DOT1L: variants seen among roughly 807,000 people sequenced by gnomAD.
The protein encoded by DOT1L is histone-lysine N-methyltransferase, H3 lysine-79 specific.
In DOT1L, 33 loss-of-function variants were observed where a neutral mutation model predicts 153.3. That is an observed-to-expected ratio of 0.22 (90% CI 0.16 to 0.29). DOT1L has a LOEUF of 0.29. DOT1L is among the 10% of genes least tolerant of loss of function. The pLI is 1.00. For synonymous variants in DOT1L, 1,135 were observed against 965.1 expected (o/e 1.18, Z -3.26); for missense variants, 1,847 against 2,119.9 (o/e 0.87, Z 2.53).
intron 19 of DOT1L, among the ~76,000 whole-genome samples, chr19:2,214,923 G>A (rs1191758241): frequency 1.3e-5 from 2 of 152,178 alleles, no homozygotes; most frequent in Non-Finnish European, 2.9e-5. Flanking sequence ...TTGCTCATTA[G>A]AAAAACAGCT....
At position 2,164,229 on chromosome 19, in the gene DOT1L, T is replaced by C. The variant is rs2144620361; in HGVS notation, c.45T>C (p.Ala15=). 1 of 1,285,116 alleles carries C rather than the reference T, an allele frequency of 7.8e-7. No homozygotes were observed. Among genetic ancestry groups the C allele is most frequent in the Non-Finnish European group, 9.9e-7 (1 of 1,013,754 alleles). The allele number at this position is 1,285,116 out of a possible 1,614,324, so 79.6% of individuals were successfully genotyped here. A position where few individuals can be genotyped will look rare whatever the true frequency, so the allele number is the denominator to read the frequency against. Reference sequence around the variant, plus strand: ...TGAGACTGAAGTCGCCCGTGGGGGCTGAGCCCGCCGTCTACCCGTGGCCGC... The same window carrying C: ...TGAGACTGAAGTCGCCCGTGGGGGCCGAGCCCGCCGTCTACCCGTGGCCGC... The part of the protein sequence containing the change: ...LELRLKSPVG[A]EPAVYPWPLP... Residue 15 remains alanine (A), a synonymous_variant, in exon 1 of 28, where the codon GCT becomes GCC. Coordinates refer to ENST00000398665, the MANE Select transcript of DOT1L (RefSeq NM_032482.3).
rs1383706893 is a variant in DOT1L, at chr19:2,214,473, C to A, written c.1800C>A (p.Leu600=). The change falls in exon 19 of 28, where the codon CTC becomes CTA. Residue 600 remains leucine, a splice_region_variant and synonymous_variant. Coordinates refer to ENST00000398665, the MANE Select transcript of DOT1L (RefSeq NM_032482.3). ...CTGTCCCATCCCTATCCCCTCAGCT[C>A]AAGGCTCGCTGCGAGGAGCTGCAGC... ...RALRGQSLQL[L]KARCEELQLD... 1 of 1,612,788 alleles carries A rather than the reference C, an allele frequency of 6.2e-7. No homozygotes were observed. The highest frequency in any genetic ancestry group is 1.7e-5 in the Admixed American group (1 of 59,996).
intron 26 of DOT1L, among the ~76,000 whole-genome samples, chr19:2,225,881 T>G (rs2024307887): frequency 1.3e-5 from 2 of 152,166 alleles, no homozygotes; most frequent in African/African-American, 2.4e-5. Flanking sequence ...CCAGAGCTCA[T>G]CCCGCATGGC....
intron 1 of DOT1L, among the ~76,000 whole-genome samples, chr19:2,178,179 G>C (rs1390583689): frequency 1.4e-5 from 2 of 147,600 alleles, no homozygotes; most frequent in Non-Finnish European, 3.0e-5. Flanking sequence ...TGATCCACCC[G>C]CCTCGGCCTC....
rs780744715 is a variant in DOT1L at position 2,230,690 on chromosome 19, T to C, written c.*898T>C. ...TGAGAATTTATAAATTTCATAGATT[T>C]GACAGCTTTTATTTTTAGATGGTAT... On this transcript the variant is annotated 3_prime_UTR_variant, in exon 28 of 28. Coordinates refer to ENST00000398665, the MANE Select transcript of DOT1L (RefSeq NM_032482.3). The C allele has an allele frequency of 7.1e-4, 281 of 398,032 alleles. 1 individual carries two copies. Among genetic ancestry groups the C allele is most frequent in the Middle Eastern group, 1.9e-3 (3 of 1,588 alleles). The allele number at this position is 398,032 out of a possible 1,614,324, so 24.7% of individuals were successfully genotyped here.
chr19:2,171,462 G>C (rs538434588), intron 1 of DOT1L, among the ~76,000 whole-genome samples: 5 of 152,144 alleles, frequency 3.3e-5, no homozygotes, highest in Non-Finnish European at 5.9e-5. Flanking sequence ...ACCTGGTGGC[G>C]TCTAGAGACC....
In DOT1L at chr19:2,230,304, A is replaced by G. The variant is rs112656439; in HGVS notation, c.*512A>G. 7.2e-6 allele frequency: 3 copies of G among 415,324 alleles called. No individual in the cohort carries two copies. Among genetic ancestry groups the G allele is most frequent in the Non-Finnish European group, 1.3e-5 (3 of 236,490 alleles). The allele number at this position is 415,324 out of a possible 1,614,324, so 25.7% of individuals were successfully genotyped here. A position where few individuals can be genotyped will look rare whatever the true frequency, so the allele number is the denominator to read the frequency against. ...CCGTACCAAAGGCAGGCCCGTCGCC[A>G]CCACATTCCTCGGAGGCCTCCCCGC... On this transcript the variant is annotated 3_prime_UTR_variant, in exon 28 of 28. Transcript: ENST00000398665.
At chr19:2,213,374 C>A (rs1424466346) in intron 16 of DOT1L, 165 bp from the exon 17 acceptor site, 2 of 630,970 alleles carry the variant, frequency 3.2e-6, no homozygotes, top group African/African-American at 1.8e-5. Context: ...CCCCTCCCGC[C>A]GTGGCCTGAG....
Position 2,210,899 on chromosome 19 carries a change from G to A in DOT1L, c.1351+44G>A, listed in dbSNP as rs764624309. The A allele has an allele frequency of 6.9e-6, 11 of 1,596,498 alleles. No individual in the cohort carries two copies. The African/African-American group carries it at 1.3e-4, about 20-fold the overall frequency. On this transcript the variant is annotated intron_variant, in intron 14 of 27. Transcript: ENST00000398665. ...ACGGCCCCCGCTCTCCCCGAGTGCG[G>A]ATGCCTGGGGTCCCCTCTGCTGGGA...
rs2144819114 is a variant in DOT1L, at chr19:2,208,468, G to A, written c.964-467G>A. On this transcript the variant is annotated intron_variant, in intron 11 of 27. Coordinates refer to ENST00000398665, the MANE Select transcript of DOT1L (RefSeq NM_032482.3). The surrounding 1 kb of genome is among the most constrained non-coding windows in gnomAD (Gnocchi z 4.4). ...CCGCCCTCCCACTGCTCCCCCGAGG[G>A]CCCTGGGACGAGAGGCATGGTGAGC... Among the ~76,000 whole-genome samples, 1 of 152,266 alleles carries A rather than the reference G, an allele frequency of 6.6e-6. No homozygotes were observed. Among genetic ancestry groups the A allele is most frequent in the African/African-American group, 2.4e-5 (1 of 41,560 alleles).
intron 2 of DOT1L, among the ~76,000 whole-genome samples, chr19:2,183,819 G>T (rs139377242): frequency 0.019 from 2,935 of 152,012 alleles, 92 homozygotes; most frequent in Admixed American, 0.082. Context: ...TAGAGACAGG[G>T]TTTCACCATG....
intron 8 of DOT1L, 108 bp from the exon 9 acceptor site, chr19:2,202,592 C>T (rs987469777): frequency 3.9e-5 from 43 of 1,098,768 alleles, no homozygotes; most frequent in African/African-American, 7.7e-5. Context: ...AGGTGGCGGG[C>T]GGGTGTGGGC....
chr19:2,190,070 G>T lies in DOT1L; in HGVS notation c.264+275G>T, dbSNP rs1194751859. On this transcript the variant is annotated intron_variant, in intron 4 of 27. Coordinates refer to ENST00000398665, the MANE Select transcript of DOT1L (RefSeq NM_032482.3). This position sits in a 1 kb window ranked among gnomAD's most constrained non-coding sequence, Gnocchi z 4.8. ...TGTGGTGTCTGCACACGCCTCTGCA[G>T]CCCTGGGTTGGTGTCCGCAGGTCCC... 2.0e-5 allele frequency among the ~76,000 whole-genome samples: 3 copies of T among 152,180 alleles called. No individual in the cohort carries two copies. Among genetic ancestry groups the T allele is most frequent in the Non-Finnish European group, 4.4e-5 (3 of 68,014 alleles).
intron 1 of DOT1L, among the ~76,000 whole-genome samples, chr19:2,173,134 A>G (rs2021734974): frequency 2.0e-5 from 3 of 152,120 alleles, no homozygotes; most frequent in Non-Finnish European, 4.4e-5. Flanking sequence ...GGTCTCCCCT[A>G]GCGTCCTGGA....
chr19:2,209,768 G>A (rs1260761818), intron 12 of DOT1L, among the ~76,000 whole-genome samples: 3 of 152,230 alleles, frequency 2.0e-5, no homozygotes, highest in Admixed American at 1.3e-4. Context: ...ACCCCGTACA[G>A]GAAGGGCTCT....
At chr19:2,166,072 C>T (rs2019907645) in intron 1 of DOT1L, among the ~76,000 whole-genome samples, 1 of 149,860 alleles carries the variant, frequency 6.7e-6, no homozygotes, top group Non-Finnish European at 1.5e-5. Flanking sequence ...GCCCGGCCCA[C>T]ATTTATATGT....
At position 2,231,008 on chromosome 19, in the gene DOT1L, G is replaced by C; in HGVS notation, c.*1216G>C. On this transcript the variant is annotated 3_prime_UTR_variant, in exon 28 of 28. Transcript: ENST00000398665. ...GGCCCTAGGCCCCAGGGTGACGTCG[G>C]CCCCCCACTCTGCAGCCTTGGCGGG... is the stretch of plus-strand genomic sequence containing the variant. 4.2e-6 allele frequency: 1 copy of C among 239,554 alleles called. No individual in the cohort carries two copies. The highest frequency in any genetic ancestry group is 8.1e-6 in the Non-Finnish European group (1 of 122,790). The allele number at this position is 239,554 out of a possible 1,614,324, so 14.8% of individuals were successfully genotyped here.
Position 2,222,151 on chromosome 19 carries a change from C to G in DOT1L, c.2982C>G (p.Pro994=). ...TPQHPLLLAQ[P]RNSLPASPAH... ...AGCACCCCCTGCTGCTGGCACAGCC[C>G]CGGAACTCGCTTCCTGCCTCTCCCG... is the stretch of plus-strand genomic sequence containing the variant. Residue 994 remains proline (P), a synonymous_variant, in exon 24 of 28, where the codon CCC becomes CCG. Coordinates refer to ENST00000398665, the MANE Select transcript of DOT1L (RefSeq NM_032482.3). This position sits in a 1 kb window ranked among gnomAD's most constrained non-coding sequence, Gnocchi z 6.5. The G allele has an allele frequency of 6.2e-7, 1 of 1,613,100 alleles. No homozygotes were observed. The highest frequency in any genetic ancestry group is 1.7e-5 in the Admixed American group (1 of 60,020).
In DOT1L at chr19:2,214,766, C is replaced by G. The variant is rs113710780; in HGVS notation, c.1923+170C>G. On this transcript the variant is annotated intron_variant, in intron 19 of 27. Coordinates refer to ENST00000398665, the MANE Select transcript of DOT1L (RefSeq NM_032482.3). ...CTTCTGTCTTGGGCCGCAGGCTGCC[C>G]GTGTGGATGACTCTGCCTCACTCTA... The G allele has an allele frequency of 4.0e-6, 4 of 1,001,408 alleles. No individual in the cohort carries two copies. The South Asian group carries it at 5.2e-5, about 13-fold the overall frequency. The allele number at this position is 1,001,408 out of a possible 1,614,324, so 62.0% of individuals were successfully genotyped here.
Sources: gnomAD v4.1 joint callset for allele counts (sites outside exome capture counted in the v4.1 genomes callset) on GRCh38, gnomAD v4.1.1 for gene constraint, Gnocchi (gnomAD v3.1) non-coding constraint, MANE v1.5 for transcripts, NCBI Gene and HGNC (gene_info 2026-07-23, HGNC 2026-07-21) for gene names.